SLC43A1: variants seen among roughly 807,000 people sequenced by gnomAD.
The protein encoded by SLC43A1 is large neutral amino acids transporter small subunit 3.
A neutral mutation model predicts 59.5 loss-of-function variants in SLC43A1; 31 were observed. The observed-to-expected ratio is 0.52, with a 90% CI of 0.39 to 0.70. The LOEUF is 0.70. Among genes scored for constraint, SLC43A1 ranks in the 30% least tolerant of loss-of-function variants. The probability of loss-of-function intolerance (pLI) is 0.00; values close to 1 mark genes in which losing one functional copy is unlikely to be tolerated. For synonymous variants in SLC43A1, 259 were observed against 290.9 expected (o/e 0.89, Z 1.12); for missense variants, 598 against 717.8 (o/e 0.83, Z 1.91).
At chr11:57,506,686 A>G (rs1944402247) in intron 2 of SLC43A1, among the ~76,000 whole-genome samples, 1 of 129,270 alleles carries the variant, frequency 7.7e-6, no homozygotes, top group African/African-American at 3.1e-5. Context: ...TCCAATGTGA[A>G]ACTAAATCTT....
At chr11:57,494,516 G>A (rs946749056) in intron 7 of SLC43A1, 3 of 314,366 alleles carry the variant, frequency 9.5e-6, no homozygotes, top group Non-Finnish European at 1.2e-5. Context: ...AAGTCACTTT[G>A]TTCCCTGTAC....
intron 14 of SLC43A1, among the ~76,000 whole-genome samples, chr11:57,486,340 T>TA (rs1251644517): frequency 6.6e-6 from 1 of 151,980 alleles, no homozygotes; most frequent in Admixed American, 6.6e-5. Flanking sequence ...AATTTTTTTT[T>TA]AAAAAATTAG....
At chr11:57,487,753 C>T (rs1051546508) in intron 13 of SLC43A1, among the ~76,000 whole-genome samples, 5 of 151,750 alleles carry the variant, frequency 3.3e-5, no homozygotes, top group African/African-American at 7.3e-5. Flanking sequence ...GTACATGGGA[C>T]AGCCAAGGGA....
At position 57,500,753 on chromosome 11, in the gene SLC43A1, T is replaced by C. The variant is rs200793105; in HGVS notation, c.465+26A>G. Reference sequence around the variant, plus strand: ...CTCACCCCACTCGGGGGAACTCTGCTGCCAGGCCAGGCCTGTGACACTCAC... The same window carrying C: ...CTCACCCCACTCGGGGGAACTCTGCCGCCAGGCCAGGCCTGTGACACTCAC... On this transcript the variant is annotated intron_variant, in intron 5 of 14. Coordinates refer to ENST00000278426, the MANE Select transcript of SLC43A1 (RefSeq NM_003627.6). The C allele has an allele frequency of 1.2e-4, 201 of 1,611,938 alleles. No homozygotes were observed. The East Asian group carries it at 4.4e-3, about 35-fold the overall frequency.
intron 5 of SLC43A1, among the ~76,000 whole-genome samples, chr11:57,499,381 C>T (rs911104868): frequency 2.0e-5 from 3 of 152,082 alleles, no homozygotes; most frequent in African/African-American, 7.2e-5. Flanking sequence ...CTTCCCCCTT[C>T]CCCTGAAGTG....
chr11:57,513,920 C>T (rs753412346), intron 2 of SLC43A1, 38 bp downstream of exon 2: 1 of 1,301,936 alleles, frequency 7.7e-7, no homozygotes, highest in South Asian at 1.3e-5. Context: ...CCTTTGCCAT[C>T]CCTCCCCCCA....
chr11:57,497,814 G>A lies in SLC43A1; in HGVS notation c.497C>T (p.Thr166Met), dbSNP rs749562185. 1.1e-5 allele frequency: 17 copies of A among 1,613,510 alleles called. No individual in the cohort carries two copies. The highest frequency in any genetic ancestry group is 3.3e-5 in the Admixed American group (2 of 59,994). The change falls in exon 6 of 15, where the codon ACG becomes ATG. Residue 166 changes from threonine (T) to methionine (M), a missense_variant. Thr to Met is a moderately conservative substitution (Grantham distance 81). Transcript: ENST00000278426. The stretch of plus-strand genomic sequence containing the variant: ...AGAGCCAATCATGAGGGCCATTAAC[G>A]TGGAGCGCAGGTTCCCAAACATGTT... ...LPNMFGNLRS[T>M]LMALMIGSYA...
chr11:57,501,098 T>C, intron 3 of SLC43A1, 54 bp downstream of exon 3: 9 of 1,252,588 alleles, frequency 7.2e-6, no homozygotes, highest in Admixed American at 3.5e-5. Context: ...CCCCCTCCCC[T>C]CCCCCTGCAG....
chr11:57,512,434 A>G (rs149629879), intron 2 of SLC43A1, among the ~76,000 whole-genome samples: 18 of 152,156 alleles, frequency 1.2e-4, no homozygotes, highest in Middle Eastern at 3.4e-3. Flanking sequence ...TCTACTAAAA[A>G]TACAAAAATT....
At chr11:57,501,099 C>T in intron 3 of SLC43A1, 53 bp downstream of exon 3, 10 of 1,609,442 alleles carry the variant, frequency 6.2e-6, no homozygotes, top group Non-Finnish European at 8.5e-6. Context: ...CCCCTCCCCT[C>T]CCCCTGCAGC....
rs1045334791 is a variant in SLC43A1, at chr11:57,494,879, G to T, written c.693-708C>A. Among the ~76,000 whole-genome samples, 16 of 147,016 alleles carry T rather than the reference G, an allele frequency of 1.1e-4. No homozygotes were observed. In the East Asian group the frequency reaches 1.4e-3, roughly 13 times the overall value. On this transcript the variant is annotated intron_variant, in intron 7 of 14. Coordinates refer to ENST00000278426, the MANE Select transcript of SLC43A1 (RefSeq NM_003627.6). ...TTTTTTTTTTTGAGACGGAGTTTTT[G>T]ATCTTGTTGCCCAGGCTGGAGTGCA...
Position 57,515,553 on chromosome 11 carries a change from C to T in SLC43A1, c.-123G>A, listed in dbSNP as rs1421268519. 3 of 152,264 alleles carry T rather than the reference C, an allele frequency of 2.0e-5. No homozygotes were observed. The highest frequency in any genetic ancestry group is 1.3e-4 in the Admixed American group (2 of 15,294). 9.4% of individuals were successfully genotyped at this position (152,264 alleles called of 1,614,324 possible). ...GGCCCAGCCCTGAGCCGCGCCGGCG[C>T]TGGGGTCTTCTCTGCGTGCAGGACC... On this transcript the variant is annotated 5_prime_UTR_variant, in exon 1 of 15. Coordinates refer to ENST00000278426, the MANE Select transcript of SLC43A1 (RefSeq NM_003627.6). This position sits in a 1 kb window ranked among gnomAD's most constrained non-coding sequence, Gnocchi z 5.3.
At chr11:57,502,496 G>GTAA (rs1175404093) in intron 2 of SLC43A1, among the ~76,000 whole-genome samples, 1 of 152,198 alleles carries the variant, frequency 6.6e-6, no homozygotes, top group Non-Finnish European at 1.5e-5. Context: ...GGGTCATGTG[G>GTAA]TAAGCACGTA....
chr11:57,487,380 A>C (rs1039807500), intron 13 of SLC43A1, among the ~76,000 whole-genome samples, 162 bp from the exon 14 acceptor site: 5 of 152,112 alleles, frequency 3.3e-5, no homozygotes, highest in African/African-American at 1.2e-4. Flanking sequence ...CTTGAGGGCA[A>C]ATGCTCCAAC....
At chr11:57,489,133 G>T in intron 12 of SLC43A1, 118 bp downstream of exon 12, 1 of 1,469,656 alleles carries the variant, frequency 6.8e-7, no homozygotes, top group Non-Finnish European at 9.4e-7. Flanking sequence ...GGAGAACCCG[G>T]AAAATAGATC....
intron 2 of SLC43A1, among the ~76,000 whole-genome samples, chr11:57,511,191 AGGAG>A (rs1226053340): frequency 6.6e-6 from 1 of 152,138 alleles, no homozygotes; most frequent in Non-Finnish European, 1.5e-5. Flanking sequence ...TGGGAGGCCC[AGGAG>A]GGAGGATCAC....
At chr11:57,493,121 T>C (rs1163635718) in intron 8 of SLC43A1, among the ~76,000 whole-genome samples, 2 of 152,160 alleles carry the variant, frequency 1.3e-5, no homozygotes, top group African/African-American at 2.4e-5. Flanking sequence ...TTACCCCATT[T>C]AATAAAATCT....
intron 2 of SLC43A1, among the ~76,000 whole-genome samples, chr11:57,506,066 T>C (rs894929170): frequency 3.3e-5 from 5 of 152,030 alleles, no homozygotes; most frequent in African/African-American, 4.8e-5. Flanking sequence ...ACCTTAGGGG[T>C]TGGGTGTGGT....
At chr11:57,492,644 C>T (rs1260224851) in intron 8 of SLC43A1, among the ~76,000 whole-genome samples, 46 of 131,090 alleles carry the variant, frequency 3.5e-4, no homozygotes, top group East Asian at 8.9e-4. Context: ...GCAGGAGGAT[C>T]ACTTGAGCCC....
Sources: gnomAD v4.1 joint callset for allele counts (sites outside exome capture counted in the v4.1 genomes callset) on GRCh38, gnomAD v4.1.1 for gene constraint, Gnocchi (gnomAD v3.1) non-coding constraint, MANE v1.5 for transcripts, NCBI Gene and HGNC (gene_info 2026-07-23, HGNC 2026-07-21) for gene names.